TMCC3: variants seen among roughly 807,000 people sequenced by gnomAD.
TMCC3 encodes transmembrane and coiled-coil domain protein 3.
TMCC3 carries 28 observed loss-of-function variants against 40.2 expected under a neutral mutation model. The observed-to-expected ratio is 0.70, with a 90% CI of 0.52 to 0.95. The LOEUF (loss-of-function observed/expected upper bound fraction) is 0.95. Among genes scored for constraint, TMCC3 ranks in the 40% least tolerant of loss-of-function variants. TMCC3 has a pLI of 0.00. For synonymous variants in TMCC3, 255 were observed against 248.5 expected (o/e 1.03, Z -0.25); for missense variants, 554 against 615.2 (o/e 0.90, Z 1.05).
Position 94,568,983 on chromosome 12 carries a change from C to T in TMCC3, c.*2452G>A, listed in dbSNP as rs368691692. ...CTGCTTTCCATTCTCTTCTCTACTT[C>T]TGTCACTGGGGAGAAGATACACGGA... On this transcript the variant is annotated 3_prime_UTR_variant, in exon 4 of 4. Coordinates refer to ENST00000261226, the MANE Select transcript of TMCC3 (RefSeq NM_020698.4). 6.6e-6 allele frequency: 1 copy of T among 152,356 alleles called. No homozygotes were observed. The highest frequency in any genetic ancestry group is 1.9e-4 in the East Asian group (1 of 5,190). The allele number at this position is 152,356 out of a possible 1,614,324, so 9.4% of individuals were successfully genotyped here.
chr12:94,610,220 T>C (rs983015356), intron 1 of TMCC3, among the ~76,000 whole-genome samples: 2 of 152,222 alleles, frequency 1.3e-5, no homozygotes, highest in East Asian at 1.9e-4. Flanking sequence ...CCAGTTACCA[T>C]AGAGTGTATT....
intron 1 of TMCC3, among the ~76,000 whole-genome samples, chr12:94,610,655 C>T (rs993971557): frequency 6.6e-5 from 10 of 152,064 alleles, no homozygotes; most frequent in Non-Finnish European, 1.0e-4. Flanking sequence ...AATTCTAGTA[C>T]AATGGGAAAT....
rs185261449 is a variant in TMCC3 at position 94,572,023 on chromosome 12, T to C, written c.1132-286A>G. ...TTGACTTTACCTGTTTTTTTTGAGA[T>C]GTAGTCTTGCTCTGTCGCCAGGCTG... On this transcript the variant is annotated intron_variant, in intron 3 of 3. Transcript: ENST00000261226. Among the ~76,000 whole-genome samples the C allele has an allele frequency of 6.3e-3, 965 of 152,320 alleles. 10 individuals are homozygous for C. The highest frequency in any genetic ancestry group is 0.022 in the African/African-American group (932 of 41,572).
chr12:94,602,461 TTTTCC>T (rs1372408624), intron 1 of TMCC3, among the ~76,000 whole-genome samples: 2 of 152,184 alleles, frequency 1.3e-5, no homozygotes, highest in Non-Finnish European at 2.9e-5. Flanking sequence ...TTCCCCTTCC[TTTTCC>T]TTTAAGAATA....
intron 1 of TMCC3, among the ~76,000 whole-genome samples, chr12:94,636,168 A>C (rs2068959873): frequency 6.6e-6 from 1 of 152,234 alleles, no homozygotes; most frequent in South Asian, 2.1e-4. Context: ...GTAACAATGC[A>C]AAAAATTGCC....
At chr12:94,573,532 C>G (rs2068545763) in intron 3 of TMCC3, among the ~76,000 whole-genome samples, 2 of 152,156 alleles carry the variant, frequency 1.3e-5, no homozygotes, top group South Asian at 4.1e-4. Flanking sequence ...CACTTAATGA[C>G]TTCATGCCAG....
intron 1 of TMCC3, 48 bp from the exon 2 acceptor site, chr12:94,582,586 T>A: frequency 6.7e-7 from 1 of 1,488,366 alleles, no homozygotes; most frequent in Non-Finnish European, 9.1e-7. Context: ...GTCAAAGAGA[T>A]AATTACTGTG....
At chr12:94,595,543 AG>A (rs1363893486) in intron 1 of TMCC3, among the ~76,000 whole-genome samples, 1 of 152,194 alleles carries the variant, frequency 6.6e-6, no homozygotes, top group African/African-American at 2.4e-5. Context: ...TTTTTCTCTG[AG>A]GGTGAGGGTT....
intron 3 of TMCC3, among the ~76,000 whole-genome samples, chr12:94,575,648 A>AAATATGTTTGTT (rs1380239438): frequency 6.6e-6 from 1 of 152,176 alleles, no homozygotes; most frequent in Non-Finnish European, 1.5e-5. Flanking sequence ...TTCACCACTA[A>AAATATGTTTGTT]AATATGTTTG....
Position 94,598,703 on chromosome 12 carries a change from C to G in TMCC3, c.79-16165G>C, listed in dbSNP as rs999167018. ...TCTGCCGTCAATAAGAGGAGGCTTT[C>G]TTCTCCCACAGCCACAGACGTTTAA... On this transcript the variant is annotated intron_variant, in intron 1 of 3. Coordinates refer to ENST00000261226, the MANE Select transcript of TMCC3 (RefSeq NM_020698.4). 2.2e-5 allele frequency: 22 copies of G among 985,318 alleles called. No individual in the cohort carries two copies. The African/African-American group carries it at 3.5e-4, about 16-fold the overall frequency. 61.0% of individuals were successfully genotyped at this position (985,318 alleles called of 1,614,324 possible).
chr12:94,574,531 T>C (rs186556204), intron 3 of TMCC3, among the ~76,000 whole-genome samples: 46 of 152,354 alleles, frequency 3.0e-4, no homozygotes, highest in Non-Finnish European at 2.9e-5. Flanking sequence ...AATTAAAATA[T>C]AGTCACCTTT....
In TMCC3 at chr12:94,591,081, C is replaced by G. The variant is rs566012576; in HGVS notation, c.79-8543G>C. Reference sequence around the variant, plus strand: ...AACAGAATATTCCAATGCTCTTTGTCCTGGGAGATGGTCGTGCTGGTTGCC... The same window carrying G: ...AACAGAATATTCCAATGCTCTTTGTGCTGGGAGATGGTCGTGCTGGTTGCC... On this transcript the variant is annotated intron_variant, in intron 1 of 3. Coordinates refer to ENST00000261226, the MANE Select transcript of TMCC3 (RefSeq NM_020698.4). The G allele has an allele frequency of 7.6e-5, 38 of 501,336 alleles. No individual in the cohort carries two copies. The East Asian group carries it at 1.9e-3, about 25-fold the overall frequency. 31.1% of individuals were successfully genotyped at this position (501,336 alleles called of 1,614,324 possible). A position where few individuals can be genotyped will look rare whatever the true frequency, so the allele number is the denominator to read the frequency against.
At chr12:94,648,715 T>C (rs936764675) in intron 1 of TMCC3, among the ~76,000 whole-genome samples, 8 of 152,224 alleles carry the variant, frequency 5.3e-5, no homozygotes, top group Non-Finnish European at 7.3e-5. Context: ...TTACAGGTTA[T>C]GAAGAGTGAG....
chr12:94,583,203 G>A (rs896891270), intron 1 of TMCC3, among the ~76,000 whole-genome samples: 11 of 150,446 alleles, frequency 7.3e-5, no homozygotes, highest in Admixed American at 3.3e-4. Flanking sequence ...AAAAAAGGCC[G>A]GGGGGTGGGG....
chr12:94,598,618 G>C (rs1566322873), intron 1 of TMCC3: 1 of 985,258 alleles, frequency 1.0e-6, no homozygotes, highest in Non-Finnish European at 1.2e-6. Flanking sequence ...CTCAAGGCCA[G>C]CTTATACATA....
intron 1 of TMCC3, among the ~76,000 whole-genome samples, chr12:94,621,226 A>T (rs2068874167): frequency 6.6e-6 from 1 of 152,240 alleles, no homozygotes; most frequent in Non-Finnish European, 1.5e-5. Flanking sequence ...TAACTTTCTC[A>T]AACACTGATA....
At chr12:94,608,872 G>A (rs1339196817) in intron 1 of TMCC3, among the ~76,000 whole-genome samples, 1 of 152,210 alleles carries the variant, frequency 6.6e-6, no homozygotes. Flanking sequence ...CAGCATGACA[G>A]ATGTTTGACA....
chr12:94,602,942 C>G (rs754514006), intron 1 of TMCC3, among the ~76,000 whole-genome samples: 1 of 152,152 alleles, frequency 6.6e-6, no homozygotes, highest in Non-Finnish European at 1.5e-5. Flanking sequence ...CTCTAAGGGC[C>G]TTGCAGCTCT....
chr12:94,598,840 G>T, intron 1 of TMCC3: 2 of 886,082 alleles, frequency 2.3e-6, no homozygotes, highest in Non-Finnish European at 2.7e-6. Context: ...GGTGGGCTGT[G>T]ATTTTAAAGA....
Sources: gnomAD v4.1 joint callset for allele counts (sites outside exome capture counted in the v4.1 genomes callset) on GRCh38, gnomAD v4.1.1 for gene constraint, MANE v1.5 for transcripts, NCBI Gene and HGNC (gene_info 2026-07-23, HGNC 2026-07-21) for gene names.